DSG2: variants seen among roughly 807,000 people sequenced by gnomAD.
DSG2 encodes the protein desmoglein 2, also known as desmoglein-2.
A neutral mutation model predicts 75.6 loss-of-function variants in DSG2; 45 were observed. The ratio of observed to expected loss-of-function variants is 0.60; its 90% CI spans 0.47 to 0.76. DSG2 has a LOEUF of 0.76. DSG2 is among the 30% of genes least tolerant of loss of function. The pLI is 0.00. For synonymous variants in DSG2, 429 were observed against 483.9 expected, an observed-to-expected ratio of 0.89 and a Z score of 1.49; for missense variants, 1,267 against 1,357.4, an observed-to-expected ratio of 0.93 and a Z score of 1.05.
intron 12 of DSG2, among the ~76,000 whole-genome samples, chr18:31,540,913 G>A (rs1244287719): frequency 6.6e-6 from 1 of 152,020 alleles, no homozygotes; most frequent in African/African-American, 2.4e-5. Context: ...GATACTATCT[G>A]AACCTAGTCT....
rs561592584 is a variant in DSG2 at position 31,516,520 on chromosome 18, A to G, written c.46-1719A>G. Among the ~76,000 whole-genome samples, 4 of 152,362 alleles carry G rather than the reference A, an allele frequency of 2.6e-5. No individual in the cohort carries two copies. In the East Asian group the frequency reaches 7.7e-4, roughly 29 times the overall value. On this transcript the variant is annotated intron_variant, in intron 1 of 14. Coordinates refer to ENST00000261590, the MANE Select transcript of DSG2 (RefSeq NM_001943.5). The stretch of plus-strand genomic sequence containing the variant: ...GGTAAGGCAATGACAAAGTGACGAT[A>G]TAATTTATAGTGTGAGCACACTTTT...
At chr18:31,537,823 T>G (rs1446140009) in intron 11 of DSG2, among the ~76,000 whole-genome samples, 1 of 151,682 alleles carries the variant, frequency 6.6e-6, no homozygotes, top group African/African-American at 2.4e-5. Context: ...GCCAACATGG[T>G]GAAACTCCAT....
In DSG2 at chr18:31,530,417, ATG is replaced by A. The variant is rs543389531; in HGVS notation, c.1015-560_1015-559del. On this transcript the variant is annotated intron_variant, in intron 8 of 14. Transcript: ENST00000261590. ...AATATATATACACATATCTATAGAT[ATG>A]TGTGTGTGTATGTTTTGAGACAGGG... Among the ~76,000 whole-genome samples the A allele has an allele frequency of 2.2e-3, 339 of 152,210 alleles. 1 individual carries two copies. Among genetic ancestry groups the A allele is most frequent in the Non-Finnish European group, 3.7e-3 (255 of 68,012 alleles).
chr18:31,541,157 T>G, intron 12 of DSG2, 36 bp from the exon 13 acceptor site: 1 of 1,613,940 alleles, frequency 6.2e-7, no homozygotes, highest in Non-Finnish European at 8.5e-7. Flanking sequence ...TATATCAAGG[T>G]TAACCTTATC....
Position 31,546,432 on chromosome 18 carries a change from G to C in DSG2, c.3046G>C (p.Val1016Leu). Residue 1016 changes from valine (V) to leucine (L), a missense_variant, in exon 15 of 15, where the codon GTG (valine) becomes CTG (leucine). Transcript: ENST00000261590. Reference sequence around the variant, plus strand: ...TCTTCAAGATGTACCTTACGTCATGGTGAGGGAAAGAGAGAGCTTCCTTGC... The same window carrying C: ...TCTTCAAGATGTACCTTACGTCATGCTGAGGGAAAGAGAGAGCTTCCTTGC... ...QHLQDVPYVM[V>L]RERESFLAPS... is the part of the protein sequence containing the mutation. 1.9e-6 allele frequency: 3 copies of C among 1,614,182 alleles called. No homozygotes were observed. Among genetic ancestry groups the C allele is most frequent in the Non-Finnish European group, 2.5e-6 (3 of 1,180,014 alleles).
intron 2 of DSG2, among the ~76,000 whole-genome samples, chr18:31,519,197 G>C (rs964463368): frequency 2.6e-5 from 4 of 152,024 alleles, no homozygotes; most frequent in Non-Finnish European, 2.9e-5. Context: ...AATTTGTAAG[G>C]CTACTAAATG....
intron 1 of DSG2, among the ~76,000 whole-genome samples, chr18:31,498,675 A>G (rs2072997856): frequency 6.6e-6 from 1 of 152,122 alleles, no homozygotes. Flanking sequence ...GGCAATAGGG[A>G]ACAACCTCGC....
rs747490052 is a variant in DSG2, at chr18:31,524,548, A to G, written c.791A>G (p.Asp264Gly). ...GCTCAAGTTCAGATTCGTATTTTGGATGTCAATGACAATATACCTGTAGTA... is the reference window on the plus strand; with the variant it reads ...GCTCAAGTTCAGATTCGTATTTTGGGTGTCAATGACAATATACCTGTAGTA... ...KQAQVQIRILDVNDNIPVVEN... is the reference protein window; with the variant it reads ...KQAQVQIRILGVNDNIPVVEN... Residue 264 changes from aspartate to glycine, a missense_variant, in exon 7 of 15, where the codon GAT becomes GGT. By Grantham distance (94) the Asp-to-Gly change is moderately conservative (BLOSUM62 -1). Coordinates refer to ENST00000261590, the MANE Select transcript of DSG2 (RefSeq NM_001943.5). The G allele has an allele frequency of 6.2e-7, 1 of 1,614,118 alleles. No individual in the cohort carries two copies. Among genetic ancestry groups the G allele is most frequent in the South Asian group, 1.1e-5 (1 of 91,084 alleles).
At chr18:31,528,179 A>G (rs547174689) in intron 8 of DSG2, among the ~76,000 whole-genome samples, 1 of 152,306 alleles carries the variant, frequency 6.6e-6, no homozygotes, top group African/African-American at 2.4e-5. Flanking sequence ...ATATGACCCA[A>G]TGATTTGATT....
chr18:31,512,207 C>T (rs1390408502), intron 1 of DSG2, among the ~76,000 whole-genome samples: 1 of 152,166 alleles, frequency 6.6e-6, no homozygotes, highest in Non-Finnish European at 1.5e-5. Context: ...CCTGCCTCAC[C>T]TTCAGCTTAC....
Position 31,548,578 on chromosome 18 carries a change from A to G in DSG2, c.*1835A>G, listed in dbSNP as rs1335156288. 1.3e-5 allele frequency: 2 copies of G among 152,166 alleles called. No individual in the cohort carries two copies. The highest frequency in any genetic ancestry group is 6.5e-5 in the Admixed American group (1 of 15,278). The allele number at this position is 152,166 out of a possible 1,614,324, so 9.4% of individuals were successfully genotyped here. A position where few individuals can be genotyped will look rare whatever the true frequency, so the allele number is the denominator to read the frequency against. On this transcript the variant is annotated 3_prime_UTR_variant, in exon 15 of 15. Coordinates refer to ENST00000261590, the MANE Select transcript of DSG2 (RefSeq NM_001943.5). ...TTTCTTTTATTATTATAGACTTACT[A>G]TCAGTTTTATTTTGCCAAGTATGCA...
intron 1 of DSG2, among the ~76,000 whole-genome samples, chr18:31,504,293 C>T (rs962253368): frequency 6.6e-6 from 1 of 152,144 alleles, no homozygotes; most frequent in African/African-American, 2.4e-5. Context: ...TTCAAGCCCC[C>T]TACAATGCAA....
chr18:31,530,595 T>G (rs952601088), intron 8 of DSG2, among the ~76,000 whole-genome samples: 1 of 152,104 alleles, frequency 6.6e-6, no homozygotes, highest in African/African-American at 2.4e-5. Flanking sequence ...TTTTTGTATT[T>G]TTTTGTACAG....
chr18:31,532,387 A>G (rs975914012), intron 9 of DSG2, among the ~76,000 whole-genome samples: 4 of 152,120 alleles, frequency 2.6e-5, no homozygotes, highest in African/African-American at 9.7e-5. Flanking sequence ...ACCTCTTAAT[A>G]TGATCATACT....
At chr18:31,541,121 A>G in intron 12 of DSG2, 72 bp from the exon 13 acceptor site, 1 of 1,605,418 alleles carries the variant, frequency 6.2e-7, no homozygotes, top group Non-Finnish European at 8.5e-7. Context: ...TGCAAATTCC[A>G]AAATTGTGCA....
At chr18:31,507,693 T>G (rs898398864) in intron 1 of DSG2, among the ~76,000 whole-genome samples, 1 of 152,256 alleles carries the variant, frequency 6.6e-6, no homozygotes, top group African/African-American at 2.4e-5. Context: ...GATGAGCTTT[T>G]TTTCATGTTT....
intron 11 of DSG2, among the ~76,000 whole-genome samples, chr18:31,536,957 C>T (rs1454572301): frequency 6.6e-6 from 1 of 152,176 alleles, no homozygotes; most frequent in Admixed American, 6.5e-5. Context: ...TCTGATTCCC[C>T]CCTTCCCCAT....
chr18:31,546,551 C>T lies in DSG2; in HGVS notation c.3165C>T (p.Ser1055=), dbSNP rs2144361600. 1.2e-6 allele frequency: 2 copies of T among 1,614,186 alleles called. No individual in the cohort carries two copies. The highest frequency in any genetic ancestry group is 1.1e-5 in the South Asian group (1 of 91,086). The change falls in exon 15 of 15, where the codon TCC becomes TCT. Residue 1055 remains serine (S), a synonymous_variant. Coordinates refer to ENST00000261590, the MANE Select transcript of DSG2 (RefSeq NM_001943.5). ...TVTERVLAPA[S]TLQSSYQIPT... ...CAGAAAGAGTTCTAGCACCTGCTTC[C>T]ACTCTGCAATCCAGTTACCAGATTC... is the stretch of plus-strand genomic sequence containing the variant.
intron 6 of DSG2, among the ~76,000 whole-genome samples, chr18:31,523,247 A>C (rs563061420): frequency 9.5e-4 from 144 of 152,222 alleles, no homozygotes; most frequent in African/African-American, 3.3e-3. Context: ...TAAATATACA[A>C]AAAATTAGCT....
Sources: gnomAD v4.1 joint callset for allele counts (sites outside exome capture counted in the v4.1 genomes callset) on GRCh38, gnomAD v4.1.1 for gene constraint, MANE v1.5 for transcripts, NCBI Gene and HGNC (gene_info 2026-07-23, HGNC 2026-07-21) for gene names.